Variants in NR3C2 observed in about 807,000 individuals in gnomAD.
NR3C2 encodes the protein mineralocorticoid receptor.
NR3C2 carries 15 observed loss-of-function variants against 86.4 expected under a neutral mutation model. The observed-to-expected ratio is 0.17, with a 90% CI of 0.12 to 0.27. NR3C2 has a LOEUF of 0.27. NR3C2 is among the 10% of genes least tolerant of loss of function. NR3C2 has a pLI of 1.00. For missense variants in NR3C2, 960 were observed against 1,195.6 expected (o/e 0.80, Z 2.91); for synonymous variants, 458 against 450.5 (o/e 1.02, Z -0.21).
intron 3 of NR3C2, among the ~76,000 whole-genome samples, chr4:148,243,275 C>G (rs1560997184): frequency 6.6e-6 from 1 of 152,060 alleles, no homozygotes; most frequent in Admixed American, 6.6e-5. Flanking sequence ...GCAATCCTCT[C>G]CTGTTGGCCT....
intron 7 of NR3C2, 71 bp from the exon 8 acceptor site, chr4:148,114,332 C>A: frequency 6.5e-7 from 1 of 1,528,062 alleles, no homozygotes; most frequent in South Asian, 1.2e-5. Flanking sequence ...CAGGTAAAGT[C>A]ATATACTGAT....
intron 2 of NR3C2, among the ~76,000 whole-genome samples, chr4:148,395,886 C>T (rs1021041481): frequency 6.6e-6 from 1 of 152,154 alleles, no homozygotes; most frequent in Non-Finnish European, 1.5e-5. Flanking sequence ...ATGTGTTGTG[C>T]TGGATGTGCC....
At chr4:148,231,069 A>C (rs1738436225) in intron 3 of NR3C2, among the ~76,000 whole-genome samples, 5 of 152,192 alleles carry the variant, frequency 3.3e-5, no homozygotes, top group Admixed American at 6.5e-5. Flanking sequence ...TTGTCAAGGT[A>C]ATTTTCACCC....
At chr4:148,098,082 T>C (rs1422649218) in intron 8 of NR3C2, among the ~76,000 whole-genome samples, 1 of 152,122 alleles carries the variant, frequency 6.6e-6, no homozygotes, top group Non-Finnish European at 1.5e-5. Context: ...ATTTGAGGTT[T>C]CCTCCCATCT....
intron 2 of NR3C2, among the ~76,000 whole-genome samples, chr4:148,419,734 T>C (rs1749186788): frequency 6.6e-6 from 1 of 152,216 alleles, no homozygotes; most frequent in Admixed American, 6.5e-5. Context: ...TAAATGTACT[T>C]TGTAAAAGAA....
intron 2 of NR3C2, among the ~76,000 whole-genome samples, chr4:148,277,820 G>A (rs934935668): frequency 1.3e-5 from 2 of 151,976 alleles, no homozygotes; most frequent in African/African-American, 4.8e-5. Context: ...TTGTATCAAG[G>A]GCCATACTAG....
At chr4:148,105,887 A>G (rs1368582206) in intron 8 of NR3C2, among the ~76,000 whole-genome samples, 3 of 152,216 alleles carry the variant, frequency 2.0e-5, no homozygotes, top group African/African-American at 4.8e-5. Flanking sequence ...TCAAAATAAT[A>G]AGAACTATTT....
At chr4:148,144,785 A>G (rs920489750) in intron 6 of NR3C2, among the ~76,000 whole-genome samples, 10 of 152,122 alleles carry the variant, frequency 6.6e-5, no homozygotes, top group African/African-American at 2.4e-4. Flanking sequence ...TAAAAACACA[A>G]TTTCCATTCT....
chr4:148,166,200 C>G (rs982878166), intron 4 of NR3C2, among the ~76,000 whole-genome samples: 2 of 152,228 alleles, frequency 1.3e-5, no homozygotes, highest in Non-Finnish European at 2.9e-5. Context: ...CAGAGCCAAA[C>G]AAAATCGCCT....
Position 148,371,424 on chromosome 4 carries a change from C to T in NR3C2, c.1757+63680G>A, listed in dbSNP as rs906795701. On this transcript the variant is annotated intron_variant, in intron 2 of 8. Coordinates refer to ENST00000358102, the MANE Select transcript of NR3C2 (RefSeq NM_000901.5). ...GTCTGCAGAATGAGCTAGATAAATG[C>T]TTGAGACCCCCTTGGGGTTTGATGA... 1.8e-4 allele frequency among the ~76,000 whole-genome samples: 27 copies of T among 152,196 alleles called. 1 individual carries two copies. The highest frequency in any genetic ancestry group is 6.8e-3 in the Middle Eastern group (2 of 292).
chr4:148,360,109 T>C lies in NR3C2; in HGVS notation c.1757+74995A>G, dbSNP rs534353225. ...GCAAGACTGCTCAAGTACAAAAACA[T>C]AAAAGGGATATCCTAAGCCATTTAG... On this transcript the variant is annotated intron_variant, in intron 2 of 8. Transcript: ENST00000358102. Among the ~76,000 whole-genome samples, 3 of 152,206 alleles carry C rather than the reference T, an allele frequency of 2.0e-5. No individual in the cohort carries two copies. The South Asian group carries it at 6.2e-4, about 32-fold the overall frequency.
intron 2 of NR3C2, among the ~76,000 whole-genome samples, chr4:148,354,075 G>T (rs1745433339): frequency 6.6e-6 from 1 of 151,974 alleles, no homozygotes. Flanking sequence ...AACTGCAGGG[G>T]TCCTTATACA....
Position 148,435,707 on chromosome 4 carries a change from G to A in NR3C2, c.1154C>T (p.Ser385Leu). The change falls in exon 2 of 9, where the codon TCA becomes TTA. Residue 385 changes from serine to leucine, a missense_variant. Physicochemically the swap from Ser to Leu is moderately radical, Grantham distance 145. Coordinates refer to ENST00000358102, the MANE Select transcript of NR3C2 (RefSeq NM_000901.5). The part of the protein sequence containing the change: ...PKTEEVESAI[S>L]NGVTGQLNIV... ...ATTAAGCTGGCCAGTCACACCATTT[G>A]AGATGGCACTCTCTACTTCCTCAGT... 1 of 1,614,154 alleles carries A rather than the reference G, an allele frequency of 6.2e-7. No individual in the cohort carries two copies. Among genetic ancestry groups the A allele is most frequent in the Middle Eastern group, 1.6e-4 (1 of 6,062 alleles).
intron 2 of NR3C2, among the ~76,000 whole-genome samples, chr4:148,426,811 G>A (rs1261920987): frequency 6.6e-6 from 1 of 152,106 alleles, no homozygotes; most frequent in Non-Finnish European, 1.5e-5. Flanking sequence ...TTTCTATGAA[G>A]AGGCCTCCCT....
intron 2 of NR3C2, among the ~76,000 whole-genome samples, chr4:148,264,373 G>A (rs1386097537): frequency 1.3e-5 from 2 of 152,198 alleles, no homozygotes; most frequent in African/African-American, 4.8e-5. Flanking sequence ...AAAATGGGGG[G>A]AGGCAGATCT....
chr4:148,261,999 A>C (rs904882059), intron 2 of NR3C2, among the ~76,000 whole-genome samples: 1 of 152,272 alleles, frequency 6.6e-6, no homozygotes, highest in East Asian at 1.9e-4. Flanking sequence ...TATTATTTTT[A>C]TTGGTATCCT....
At chr4:148,206,250 C>G (rs1164475173) in intron 3 of NR3C2, among the ~76,000 whole-genome samples, 1 of 152,156 alleles carries the variant, frequency 6.6e-6, no homozygotes, top group Non-Finnish European at 1.5e-5. Context: ...TTTTCCATAG[C>G]TGAATTGCCT....
intron 2 of NR3C2, among the ~76,000 whole-genome samples, chr4:148,434,867 G>A (rs1749961972): frequency 6.6e-6 from 1 of 152,140 alleles, no homozygotes; most frequent in South Asian, 2.1e-4. Flanking sequence ...GGGAGTGCGG[G>A]ACACCTACAT....
intron 2 of NR3C2, among the ~76,000 whole-genome samples, chr4:148,343,361 CT>C: frequency 6.6e-6 from 1 of 152,212 alleles, no homozygotes; most frequent in African/African-American, 2.4e-5. Flanking sequence ...CTCATTACAT[CT>C]CACGGATTCA....
Sources: allele counts gnomAD v4.1 joint callset (sites outside exome capture counted in the v4.1 genomes callset), GRCh38; gene constraint gnomAD v4.1.1; transcripts MANE v1.5; gene names NCBI Gene and HGNC (gene_info 2026-07-23, HGNC 2026-07-21).